The following DNAJC16 variants were observed in gnomAD, a reference collection of about 807,000 sequenced individuals.
The protein encoded by DNAJC16 is dnaJ homolog subfamily C member 16.
In DNAJC16, 76 loss-of-function variants were observed where a neutral mutation model predicts 92.7. The observed-to-expected ratio is 0.82, with a 90% CI of 0.68 to 0.99. The LOEUF (loss-of-function observed/expected upper bound fraction) is 0.99. DNAJC16 is among the 50% of genes least tolerant of loss of function. The probability of loss-of-function intolerance (pLI) is 0.00; values close to 1 mark genes in which losing one functional copy is unlikely to be tolerated. For synonymous variants in DNAJC16, 328 were observed against 358.7 expected, an observed-to-expected ratio of 0.91 and a Z score of 0.97; for missense variants, 869 against 942.4, an observed-to-expected ratio of 0.92 and a Z score of 1.02.
At position 15,564,226 on chromosome 1, in the gene DNAJC16, G is replaced by A. The variant is rs115273779; in HGVS notation, c.1522-57G>A. 635 of 1,529,360 alleles carry A rather than the reference G, an allele frequency of 4.2e-4. 1 individual carries two copies. In the African/African-American group the frequency reaches 7.6e-3, roughly 18 times the overall value. The allele number at this position is 1,529,360 out of a possible 1,614,324, so 94.7% of individuals were successfully genotyped here. On this transcript the variant is annotated intron_variant, in intron 10 of 14. Transcript: ENST00000375847. ...AGCAGCAGCACTGTGTTGCAGGGTA[G>A]AGGGACTCTCCCTTCCGGCTTTAGT... is the stretch of plus-strand genomic sequence containing the variant.
intron 7 of DNAJC16, among the ~76,000 whole-genome samples, chr1:15,554,370 A>T (rs1638519387): frequency 6.6e-6 from 1 of 152,186 alleles, no homozygotes; most frequent in Admixed American, 6.5e-5. Flanking sequence ...TTCTTTTAGT[A>T]TATTCACTCA....
At chr1:15,534,049 C>G (rs1424291935) in intron 2 of DNAJC16, among the ~76,000 whole-genome samples, 188 bp from the exon 3 acceptor site, 1 of 152,136 alleles carries the variant, frequency 6.6e-6, no homozygotes, top group African/African-American at 2.4e-5. Context: ...GAAAAAATAG[C>G]CTGTTTCAAA....
At chr1:15,527,581 A>G (rs1433365477) in intron 1 of DNAJC16, among the ~76,000 whole-genome samples, 2 of 152,236 alleles carry the variant, frequency 1.3e-5, no homozygotes, top group Non-Finnish European at 2.9e-5. Context: ...AATAGATCCT[A>G]GTCTTCAACC....
At chr1:15,556,326 C>G (rs1638571788) in intron 7 of DNAJC16, among the ~76,000 whole-genome samples, 1 of 151,982 alleles carries the variant, frequency 6.6e-6, no homozygotes, top group Admixed American at 6.6e-5. Flanking sequence ...CCTCCAACTC[C>G]CGGGTTCAAG....
At chr1:15,536,886 T>C in intron 4 of DNAJC16, 72 bp downstream of exon 4, 2 of 1,349,142 alleles carry the variant, frequency 1.5e-6, no homozygotes. Flanking sequence ...AGTCTTGCTC[T>C]GTTGCCCAGG....
Position 15,568,563 on chromosome 1 carries a change from C to A in DNAJC16, c.*386C>A. On this transcript the variant is annotated 3_prime_UTR_variant, in exon 15 of 15. Transcript: ENST00000375847. The stretch of plus-strand genomic sequence containing the variant: ...GGCGGACCCTCATGAGCCTGTCGTG[C>A]AGGCCAGGTCATTGGCCCCTTCCCC... 2.4e-6 allele frequency: 1 copy of A among 414,318 alleles called. No individual in the cohort carries two copies. The highest frequency in any genetic ancestry group is 4.3e-6 in the Non-Finnish European group (1 of 235,090). The allele number at this position is 414,318 out of a possible 1,614,324, so 25.7% of individuals were successfully genotyped here. A position where few individuals can be genotyped will look rare whatever the true frequency, so the allele number is the denominator to read the frequency against.
chr1:15,546,389 TGATA>T (rs770114296), intron 5 of DNAJC16, among the ~76,000 whole-genome samples: 167 of 152,134 alleles, frequency 1.1e-3, no homozygotes, highest in African/African-American at 3.3e-3. Context: ...GATAGATAGA[TGATA>T]GATAGATAGA....
At chr1:15,547,119 C>G (rs903723853) in intron 6 of DNAJC16, among the ~76,000 whole-genome samples, 5 of 151,520 alleles carry the variant, frequency 3.3e-5, no homozygotes, top group Admixed American at 1.3e-4. Flanking sequence ...TCAGAAGAAC[C>G]CAGTGATGGA....
At chr1:15,560,063 CAA>C (rs34204724) in intron 8 of DNAJC16, 12 of 75,012 alleles carry the variant, frequency 1.6e-4, no homozygotes, top group Non-Finnish European at 1.7e-4. Context: ...AACTCTGTCT[CAA>C]AAAAAAAAAA....
intron 9 of DNAJC16, among the ~76,000 whole-genome samples, chr1:15,563,071 A>G (rs921942250): frequency 2.0e-5 from 3 of 151,740 alleles, no homozygotes; most frequent in African/African-American, 7.3e-5. Flanking sequence ...CACTTCCTAC[A>G]GAAACAAGAA....
At chr1:15,542,366 C>T (rs1710952564) in intron 4 of DNAJC16, 1 of 152,224 alleles carries the variant, frequency 6.6e-6, no homozygotes, top group African/African-American at 2.4e-5. Context: ...TTTGAGAGTT[C>T]CCAGGTGGCT....
At position 15,559,507 on chromosome 1, in the gene DNAJC16, A is replaced by G. The variant is rs2103423738; in HGVS notation, c.1024-19A>G. 1 of 1,613,664 alleles carries G rather than the reference A, an allele frequency of 6.2e-7. No individual in the cohort carries two copies. Among genetic ancestry groups the G allele is most frequent in the Non-Finnish European group, 8.5e-7 (1 of 1,179,712 alleles). On this transcript the variant is annotated intron_variant, in intron 7 of 14. Transcript: ENST00000375847. ...GAGAACACTGCATAAAATCTAGCTG[A>G]TTCTTGGTTTTTCTCTAGGCCCGAG...
In DNAJC16 at chr1:15,529,239, T is replaced by C. The variant is rs1381237049; in HGVS notation, c.134T>C (p.Ile45Thr). The C allele has an allele frequency of 6.2e-7, 1 of 1,613,092 alleles. No homozygotes were observed. Among genetic ancestry groups the C allele is most frequent in the Admixed American group, 1.7e-5 (1 of 59,950 alleles). ...GVSRTASQADIKKAYKKLARE... is the reference protein window; with the variant it reads ...GVSRTASQADTKKAYKKLARE... ...AGCCGAACAGCCAGTCAGGCTGATATTAAAAAGGCTTATAAGAAGCTCGCC... is the reference window on the plus strand; with the variant it reads ...AGCCGAACAGCCAGTCAGGCTGATACTAAAAAGGCTTATAAGAAGCTCGCC... The change falls in exon 2 of 15, where the codon ATT (isoleucine) becomes ACT (threonine). Residue 45 changes from isoleucine to threonine, a missense_variant. Coordinates refer to ENST00000375847, the MANE Select transcript of DNAJC16 (RefSeq NM_015291.4).
chr1:15,569,920 G>A lies in DNAJC16; in HGVS notation c.*1743G>A, dbSNP rs1638912481. ...CCTCAGCCTCCCAAAGTGCTGCTGGGATTACAGGCGTGAGCCACCACTCCC... is the reference window on the plus strand; with the variant it reads ...CCTCAGCCTCCCAAAGTGCTGCTGGAATTACAGGCGTGAGCCACCACTCCC... On this transcript the variant is annotated 3_prime_UTR_variant, in exon 15 of 15. Transcript: ENST00000375847. 6.6e-6 allele frequency: 1 copy of A among 152,318 alleles called. No homozygotes were observed. The highest frequency in any genetic ancestry group is 1.5e-5 in the Non-Finnish European group (1 of 68,014). The allele number at this position is 152,318 out of a possible 1,614,324, so 9.4% of individuals were successfully genotyped here.
intron 1 of DNAJC16, among the ~76,000 whole-genome samples, chr1:15,527,543 A>G (rs1710547003): frequency 6.6e-6 from 1 of 152,170 alleles, no homozygotes; most frequent in African/African-American, 2.4e-5. Context: ...AGTTTAAATA[A>G]TTTGCCCAAG....
chr1:15,550,397 TAACA>T (rs1268652352), intron 7 of DNAJC16, among the ~76,000 whole-genome samples: 2 of 152,228 alleles, frequency 1.3e-5, no homozygotes, highest in African/African-American at 4.8e-5. Context: ...AGTGTATGCT[TAACA>T]AACTCAGTTT....
chr1:15,536,817 A>G lies in DNAJC16; in HGVS notation c.574+3A>G, dbSNP rs1710802018. 2 of 1,586,298 alleles carry G rather than the reference A, an allele frequency of 1.3e-6. No individual in the cohort carries two copies. The highest frequency in any genetic ancestry group is 1.7e-6 in the Non-Finnish European group (2 of 1,170,928). ...CATTCAAGAACTGGAAGAATTGGGT[A>G]AGATAATTTTATTCACTGAAAGATA... On this transcript the variant is annotated splice_donor_region_variant and intron_variant, in intron 4 of 14. Coordinates refer to ENST00000375847, the MANE Select transcript of DNAJC16 (RefSeq NM_015291.4).
At position 15,568,254 on chromosome 1, in the gene DNAJC16, C is replaced by A; in HGVS notation, c.*77C>A. The A allele has an allele frequency of 8.3e-7, 1 of 1,200,978 alleles. No individual in the cohort carries two copies. 74.4% of individuals were successfully genotyped at this position (1,200,978 alleles called of 1,614,324 possible). On this transcript the variant is annotated 3_prime_UTR_variant, in exon 15 of 15. Transcript: ENST00000375847. ...TGAACAGGTATTTTCAGGACTCAAA[C>A]TACCACAATGAACAGAGTATAGATT...
chr1:15,543,076 AGG>A (rs1456767524), intron 4 of DNAJC16, among the ~76,000 whole-genome samples: 1 of 152,236 alleles, frequency 6.6e-6, no homozygotes, highest in Non-Finnish European at 1.5e-5. Flanking sequence ...ACTATGTGCC[AGG>A]CTCTGGTCTG....
Sources: gnomAD v4.1 joint callset for allele counts (sites outside exome capture counted in the v4.1 genomes callset) on GRCh38, gnomAD v4.1.1 for gene constraint, MANE v1.5 for transcripts, NCBI Gene and HGNC (gene_info 2026-07-23, HGNC 2026-07-21) for gene names.